The following DCHS1 variants were observed in gnomAD, a reference collection of about 807,000 sequenced individuals.
DCHS1 encodes the protein dachsous cadherin-related 1, also known as protocadherin-16.
Under a neutral mutation model 213.9 loss-of-function variants are expected in DCHS1, and 78 were observed. The observed-to-expected ratio is 0.36, with a 90% CI of 0.30 to 0.44. The LOEUF (loss-of-function observed/expected upper bound fraction) is 0.44, where lower values mean the gene tolerates loss of function less well. Ranked by LOEUF, DCHS1 falls within the 20% of genes least tolerant of loss-of-function variation. DCHS1 has a pLI of 1.00. For synonymous variants in DCHS1, 1,828 were observed against 1,873.7 expected, an observed-to-expected ratio of 0.98 and a Z score of 0.63; for missense variants, 3,946 against 4,395.9, an observed-to-expected ratio of 0.90 and a Z score of 2.89.
intron 1 of DCHS1, among the ~76,000 whole-genome samples, chr11:6,645,213 T>G (rs545382510): frequency 6.6e-6 from 1 of 152,324 alleles, no homozygotes; most frequent in African/African-American, 2.4e-5. Context: ...ATGCTGGGGT[T>G]GTATGTGTGC....
At chr11:6,650,522 T>C (rs568567752) in intron 1 of DCHS1, among the ~76,000 whole-genome samples, 3 of 152,282 alleles carry the variant, frequency 2.0e-5, no homozygotes, top group Non-Finnish European at 2.9e-5. Context: ...GAGTCCAGTC[T>C]TGCCTCTGTT....
chr11:6,630,480 G>A lies in DCHS1; in HGVS notation c.4314C>T (p.Arg1438=), dbSNP rs754583495. Residue 1438 remains arginine, a synonymous_variant, in exon 10 of 21, where the codon CGC becomes CGT. Coordinates refer to ENST00000299441, the MANE Select transcript of DCHS1 (RefSeq NM_003737.4). ...DENEHAPAFA[R]DPLALALPEN... Reference sequence around the variant, plus strand: ...CTGGCAGCGCCAGCGCCAGCGGGTCGCGCGCAAAGGCGGGCGCATGCTCAT... The same window carrying A: ...CTGGCAGCGCCAGCGCCAGCGGGTCACGCGCAAAGGCGGGCGCATGCTCAT... 1 of 1,532,054 alleles carries A rather than the reference G, an allele frequency of 6.5e-7. No homozygotes were observed. Among genetic ancestry groups the A allele is most frequent in the East Asian group, 2.5e-5 (1 of 39,710 alleles). 94.9% of individuals were successfully genotyped at this position (1,532,054 alleles called of 1,614,324 possible).
chr11:6,628,738 C>T lies in DCHS1; in HGVS notation c.5254G>A (p.Gly1752Arg), dbSNP rs779693849. 1.2e-6 allele frequency: 2 copies of T among 1,614,022 alleles called. No homozygotes were observed. Among genetic ancestry groups the T allele is most frequent in the East Asian group, 2.2e-5 (1 of 44,890 alleles). Residue 1752 changes from glycine to arginine, a missense_variant, in exon 13 of 21, where the codon GGG becomes AGG. Gly to Arg is a moderately radical substitution (Grantham distance 125, BLOSUM62 -2). This residue lies in a region of DCHS1 where 3,384 missense variants were observed against 3,780.1 expected (regional missense o/e 0.90). Coordinates refer to ENST00000299441, the MANE Select transcript of DCHS1 (RefSeq NM_003737.4). This position sits in a 1 kb window ranked among gnomAD's most constrained non-coding sequence, Gnocchi z 4.3. The part of the protein sequence containing the change: ...EDENDHAPTF[G>R]SAHLSLEVPE... ...ACCTCCAGAGAGAGATGGGCACTCCCAAAGGTTGGTGCATGGTCATTCTCA... is the reference window on the plus strand; with the variant it reads ...ACCTCCAGAGAGAGATGGGCACTCCTAAAGGTTGGTGCATGGTCATTCTCA...
rs753510029 is a variant in DCHS1, at chr11:6,634,289, C to T, written c.1815G>A (p.Ala605=). The change falls in exon 3 of 21, where the codon GCG becomes GCA. Residue 605 remains alanine (A), a synonymous_variant. Transcript: ENST00000299441. ...TCFLQVTATD[A]DSGPFGLLSY... The stretch of plus-strand genomic sequence containing the variant: ...AGAGGAGGCCAAATGGGCCACTATC[C>T]GCGTCTGTGGCTGTCACCTAGGGAG... 32 of 1,603,816 alleles carry T rather than the reference C, an allele frequency of 2.0e-5. No homozygotes were observed. Among genetic ancestry groups the T allele is most frequent in the African/African-American group, 8.0e-5 (6 of 74,760 alleles).
Position 6,624,453 on chromosome 11 carries a change from G to C in DCHS1, c.7286-63C>G, listed in dbSNP as rs1855760712. The stretch of plus-strand genomic sequence containing the variant: ...AAAGGCTGTGAGTGAACAGAAGAGT[G>C]ACCCTTCAGGATCTAGGAAATGGTT... On this transcript the variant is annotated intron_variant, in intron 20 of 20. Coordinates refer to ENST00000299441, the MANE Select transcript of DCHS1 (RefSeq NM_003737.4). The C allele has an allele frequency of 2.0e-6, 3 of 1,464,220 alleles. No homozygotes were observed. In the East Asian group the frequency reaches 7.5e-5, roughly 36 times the overall value. 90.7% of individuals were successfully genotyped at this position (1,464,220 alleles called of 1,614,324 possible).
Position 6,627,492 on chromosome 11 carries a change from A to G in DCHS1, c.5547T>C (p.Asn1849=), listed in dbSNP as rs145548684. 6.2e-7 allele frequency: 1 copy of G among 1,611,700 alleles called. No individual in the cohort carries two copies. Among genetic ancestry groups the G allele is most frequent in the Non-Finnish European group, 8.5e-7 (1 of 1,179,112 alleles). Residue 1849 remains asparagine, a synonymous_variant, in exon 14 of 21, where the codon AAT becomes AAC. Transcript: ENST00000299441. The surrounding 1 kb of genome is among the most constrained non-coding windows in gnomAD (Gnocchi z 5.4). The part of the protein sequence containing the change: ...LLLTVTVLDA[N]DHAPAFPVPA... ...GCACAGGAAAGGCTGGAGCATGGTC[A>G]TTGGCATCCAGCACTGTCACTGTCA...
chr11:6,640,657 T>C lies in DCHS1; in HGVS notation c.957A>G (p.Pro319=). 2 of 1,612,864 alleles carry C rather than the reference T, an allele frequency of 1.2e-6. No individual in the cohort carries two copies. Among genetic ancestry groups the C allele is most frequent in the South Asian group, 1.1e-5 (1 of 91,086 alleles). ...GGACCCGCCGCTGCTCAAAGTCCAGTGGCCGCTCTAACTGCAGCAGCCCCG... is the reference window on the plus strand; with the variant it reads ...GGACCCGCCGCTGCTCAAAGTCCAGCGGCCGCTCTAACTGCAGCAGCCCCG... ...AHTGLLQLER[P]LDFEQRRVHE... is the part of the protein sequence containing the mutation. The change falls in exon 2 of 21, where the codon CCA becomes CCG. Residue 319 remains proline (P), a synonymous_variant. Coordinates refer to ENST00000299441, the MANE Select transcript of DCHS1 (RefSeq NM_003737.4). This position sits in a 1 kb window ranked among gnomAD's most constrained non-coding sequence, Gnocchi z 6.5.
chr11:6,630,458 GCAGCGC>G lies in DCHS1; in HGVS notation c.4330_4335del (p.Ala1444_Leu1445del). 6.6e-7 allele frequency: 1 copy of G among 1,517,748 alleles called. No individual in the cohort carries two copies. Among genetic ancestry groups the G allele is most frequent in the African/African-American group, 1.4e-5 (1 of 69,958 alleles). The allele number at this position is 1,517,748 out of a possible 1,614,324, so 94.0% of individuals were successfully genotyped here. ...GCTGCGCCGGGCTCCGGGTTCTCTG[GCAGCGC>G]CAGCGCCAGCGGGTCGCGCGCAAAG... is the stretch of plus-strand genomic sequence containing the variant. On this transcript the variant is annotated inframe_deletion, in exon 10 of 21. Coordinates refer to ENST00000299441, the MANE Select transcript of DCHS1 (RefSeq NM_003737.4).
At position 6,625,314 on chromosome 11, in the gene DCHS1, G is replaced by A. The variant is rs775269231; in HGVS notation, c.7030C>T (p.Arg2344Cys). ...TGTGCCAGCAGCTGCAGCTGGTAGC[G>A]GTCACACTGCTCAAAGTCCAGGGGC... ...TGPLDFEQCD[R>C]YQLQLLAHDG... is the part of the protein sequence containing the mutation. The change falls in exon 19 of 21, where the codon CGC becomes TGC. Residue 2344 changes from arginine to cysteine, a missense_variant. By Grantham distance (180) the Arg-to-Cys change is radical (BLOSUM62 -3). Around this residue, in one of 3 missense-constraint regions of DCHS1, gnomAD observed 3,384 missense variants for 3,780.1 expected, o/e 0.90. Transcript: ENST00000299441. This position sits in a 1 kb window ranked among gnomAD's most constrained non-coding sequence, Gnocchi z 5.3. The A allele has an allele frequency of 1.5e-5, 24 of 1,613,672 alleles. No homozygotes were observed. The highest frequency in any genetic ancestry group is 3.3e-5 in the Admixed American group (2 of 59,990).
At position 6,641,749 on chromosome 11, in the gene DCHS1, A is replaced by C. The variant is rs1589961344; in HGVS notation, c.-120-16T>G. The C allele has an allele frequency of 3.5e-6, 5 of 1,436,756 alleles. No homozygotes were observed. The East Asian group carries it at 1.3e-4, about 36-fold the overall frequency. 89.0% of individuals were successfully genotyped at this position (1,436,756 alleles called of 1,614,324 possible). A position where few individuals can be genotyped will look rare whatever the true frequency, so the allele number is the denominator to read the frequency against. On this transcript the variant is annotated splice_polypyrimidine_tract_variant and intron_variant, in intron 1 of 20. Coordinates refer to ENST00000299441, the MANE Select transcript of DCHS1 (RefSeq NM_003737.4). The surrounding 1 kb of genome is among the most constrained non-coding windows in gnomAD (Gnocchi z 7.1). The stretch of plus-strand genomic sequence containing the variant: ...GCTCCCTGACCTGGGAGAAAACAGA[A>C]GGAAACGGGTCATGACAGAGGAGGG...
chr11:6,636,848 C>A lies in DCHS1; in HGVS notation c.1798-2542G>T, dbSNP rs117562407. On this transcript the variant is annotated intron_variant, in intron 2 of 20. Transcript: ENST00000299441. Reference sequence around the variant, plus strand: ...CATCGTCTATACTTTCACTCTAGACCACTCCTCTGAGATTTCCCAACTTTT... The same window carrying A: ...CATCGTCTATACTTTCACTCTAGACAACTCCTCTGAGATTTCCCAACTTTT... Among the ~76,000 whole-genome samples, 23 of 152,280 alleles carry A rather than the reference C, an allele frequency of 1.5e-4. No homozygotes were observed. In the East Asian group the frequency reaches 4.1e-3, roughly 27 times the overall value.
At chr11:6,654,445 T>C (rs547185650) in intron 1 of DCHS1, among the ~76,000 whole-genome samples, 1 of 152,340 alleles carries the variant, frequency 6.6e-6, no homozygotes, top group Non-Finnish European at 1.5e-5. Context: ...CTGGTGACAG[T>C]GTTTCTGGAG....
At position 6,639,709 on chromosome 11, in the gene DCHS1, T is replaced by G. The variant is rs1034114588; in HGVS notation, c.1797+108A>C. 8.4e-6 allele frequency: 8 copies of G among 947,370 alleles called. No individual in the cohort carries two copies. The Admixed American group carries it at 2.2e-4, about 26-fold the overall frequency. The allele number at this position is 947,370 out of a possible 1,614,324, so 58.7% of individuals were successfully genotyped here. ...CAACATAGGGCAGAACCCTCTAGCA[T>G]AAGTCACCATCAACAGATGACCTTG... On this transcript the variant is annotated intron_variant, in intron 2 of 20. Coordinates refer to ENST00000299441, the MANE Select transcript of DCHS1 (RefSeq NM_003737.4).
chr11:6,649,105 G>T (rs578225027), intron 1 of DCHS1, among the ~76,000 whole-genome samples: 18 of 151,966 alleles, frequency 1.2e-4, no homozygotes, highest in African/African-American at 4.1e-4. Flanking sequence ...AGCTGCTGCT[G>T]TTGTGTGCCA....
chr11:6,625,687 C>T lies in DCHS1; in HGVS notation c.6772G>A (p.Val2258Met). 1 of 1,612,334 alleles carries T rather than the reference C, an allele frequency of 6.2e-7. No homozygotes were observed. The stretch of plus-strand genomic sequence containing the variant: ...ATCACCGTCAAGGTAGCTGAGCCCA[C>T]CAGGGCTGGGCTCCCTCTGTCTGTG... ...MATDRGSPAL[V>M]GSATLTVMVI... The change falls in exon 18 of 21, where the codon GTG (valine) becomes ATG (methionine). Residue 2258 changes from valine to methionine, a missense_variant. Val to Met is a conservative substitution (Grantham distance 21, BLOSUM62 1). This residue lies in a region of DCHS1 where 3,384 missense variants were observed against 3,780.1 expected (regional missense o/e 0.90). Transcript: ENST00000299441. The surrounding 1 kb of genome is among the most constrained non-coding windows in gnomAD (Gnocchi z 5.3).
rs965617510 is a variant in DCHS1, at chr11:6,621,797, G to A, written c.9879C>T (p.Asp3293=). ...SAESGLEPPD[D]TELHI Reference sequence around the variant, plus strand: ...GCCACAGCTAGATGTGCAGCTCCGTGTCATCAGGTGGCTCCAGGCCAGACT... The same window carrying A: ...GCCACAGCTAGATGTGCAGCTCCGTATCATCAGGTGGCTCCAGGCCAGACT... The change falls in exon 21 of 21, where the codon GAC becomes GAT. Residue 3293 remains aspartate, a synonymous_variant. Transcript: ENST00000299441. 14 of 1,592,492 alleles carry A rather than the reference G, an allele frequency of 8.8e-6. No homozygotes were observed. Among genetic ancestry groups the A allele is most frequent in the Non-Finnish European group, 1.2e-5 (14 of 1,170,052 alleles).
At chr11:6,650,618 G>C (rs1856229493) in intron 1 of DCHS1, among the ~76,000 whole-genome samples, 1 of 152,200 alleles carries the variant, frequency 6.6e-6, no homozygotes, top group South Asian at 2.1e-4. Context: ...AGGATGCCAG[G>C]AGTTGGAGGG....
At chr11:6,652,148 C>T (rs181421318) in intron 1 of DCHS1, among the ~76,000 whole-genome samples, 5 of 152,156 alleles carry the variant, frequency 3.3e-5, no homozygotes, top group Admixed American at 2.6e-4. Flanking sequence ...AGATACATAC[C>T]ATAATGTAAC....
intron 2 of DCHS1, among the ~76,000 whole-genome samples, chr11:6,638,690 C>A (rs1856021430): frequency 6.6e-6 from 1 of 152,192 alleles, no homozygotes; most frequent in Non-Finnish European, 1.5e-5. Context: ...TGTGACCACC[C>A]TGGGAACAGG....
Sources: gnomAD v4.1 joint callset for allele counts (sites outside exome capture counted in the v4.1 genomes callset) on GRCh38, gnomAD v4.1.1 for gene constraint, gnomAD v4.1.1 regional missense constraint, Gnocchi (gnomAD v3.1) non-coding constraint, MANE v1.5 for transcripts, NCBI Gene and HGNC (gene_info 2026-07-23, HGNC 2026-07-21) for gene names.